The following AKR1A1 variants were observed in gnomAD, a reference collection of about 807,000 sequenced individuals.
AKR1A1 encodes the protein HEL-S-165mP.
AKR1A1 carries 26 observed loss-of-function variants against 39.2 expected under a neutral mutation model. The observed-to-expected ratio is 0.66, with a 90% CI of 0.49 to 0.92. The LOEUF is 0.92. Among genes scored for constraint, AKR1A1 ranks in the 40% least tolerant of loss-of-function variants. AKR1A1 has a pLI of 0.00. For missense variants in AKR1A1, 378 were observed against 406.5 expected, an observed-to-expected ratio of 0.93 and a Z score of 0.60; for synonymous variants, 141 against 155.5, an observed-to-expected ratio of 0.91 and a Z score of 0.69.
rs1038254368 is a variant in AKR1A1, at chr1:45,551,030, C to A, written c.-132C>A. The A allele has an allele frequency of 1.3e-5, 2 of 152,648 alleles. No individual in the cohort carries two copies. Among genetic ancestry groups the A allele is most frequent in the African/African-American group, 4.8e-5 (2 of 41,472 alleles). The allele number at this position is 152,648 out of a possible 1,614,324, so 9.5% of individuals were successfully genotyped here. A position where few individuals can be genotyped will look rare whatever the true frequency, so the allele number is the denominator to read the frequency against. ...CGTGATCCTTTATGCCCGGCCCCTG[C>A]CCCTCCCTCCGGGTGGAACTTCCCC... On this transcript the variant is annotated 5_prime_UTR_variant, in exon 1 of 9. It introduces an in-frame stop codon into an upstream open reading frame of the 5' UTR. Coordinates refer to ENST00000351829, the MANE Select transcript of AKR1A1 (RefSeq NM_153326.3).
chr1:45,557,379 C>T (rs1644218814), intron 1 of AKR1A1, among the ~76,000 whole-genome samples: 1 of 151,896 alleles, frequency 6.6e-6, no homozygotes, highest in Admixed American at 6.6e-5. Context: ...TAGAGAAAAA[C>T]ATCTATGTGG....
chr1:45,554,406 C>T (rs1644173619), intron 1 of AKR1A1, among the ~76,000 whole-genome samples: 1 of 151,870 alleles, frequency 6.6e-6, no homozygotes, highest in Non-Finnish European at 1.5e-5. Flanking sequence ...CCAGCCTGGA[C>T]GTTAGAGCGA....
chr1:45,555,427 C>T (rs544222031), intron 1 of AKR1A1, among the ~76,000 whole-genome samples: 6 of 151,814 alleles, frequency 4.0e-5, no homozygotes, highest in Admixed American at 1.3e-4. Context: ...GCGGAGGTTG[C>T]GGTGAGCCGA....
intron 1 of AKR1A1, among the ~76,000 whole-genome samples, chr1:45,553,004 A>C (rs750018237): frequency 2.0e-5 from 3 of 152,046 alleles, no homozygotes; most frequent in East Asian, 1.9e-4. Flanking sequence ...ACACACCTAT[A>C]ATCCCAGCTA....
chr1:45,562,300 T>C lies in AKR1A1; in HGVS notation c.84+422T>C, dbSNP rs955647028. Among the ~76,000 whole-genome samples the C allele has an allele frequency of 2.6e-5, 4 of 151,958 alleles. No individual in the cohort carries two copies. In the East Asian group the frequency reaches 7.7e-4, roughly 29 times the overall value. On this transcript the variant is annotated intron_variant, in intron 2 of 8. Coordinates refer to ENST00000351829, the MANE Select transcript of AKR1A1 (RefSeq NM_153326.3). ...AAGGTTTGAAGAATAACTAGGTGAA[T>C]TGTATATTGTATAGACCAAAGGTCA...
chr1:45,563,724 G>A (rs1216808189), intron 2 of AKR1A1, among the ~76,000 whole-genome samples: 1 of 152,228 alleles, frequency 6.6e-6, no homozygotes, highest in Non-Finnish European at 1.5e-5. Context: ...GGGAGGCGGA[G>A]GTTGCAGTGA....
chr1:45,564,977 C>T (rs1644321835), intron 2 of AKR1A1, among the ~76,000 whole-genome samples: 1 of 151,668 alleles, frequency 6.6e-6, no homozygotes, highest in Non-Finnish European at 1.5e-5. Context: ...CACCCCCTAC[C>T]ACGCCCAGCT....
At chr1:45,551,210 C>G (rs1173762827) in intron 1 of AKR1A1, 55 bp downstream of exon 1, 3 of 152,344 alleles carry the variant, frequency 2.0e-5, no homozygotes, top group Non-Finnish European at 4.4e-5. Context: ...GGCCTCGATT[C>G]TTTACTACTG....
chr1:45,568,492 G>A lies in AKR1A1; in HGVS notation c.560G>A (p.Cys187Tyr), dbSNP rs754137710. 2 of 1,613,622 alleles carry A rather than the reference G, an allele frequency of 1.2e-6. No homozygotes were observed. The highest frequency in any genetic ancestry group is 2.2e-5 in the East Asian group (1 of 44,890). Reference sequence around the variant, plus strand: ...GGTTATTCTTTGGCTCAGGTGGAATGCCACCCATACTTGGCTCAAAATGAG... The same window carrying A: ...GGTTATTCTTTGGCTCAGGTGGAATACCACCCATACTTGGCTCAAAATGAG... ...SVRPAVLQVE[C>Y]HPYLAQNELI... Residue 187 changes from cysteine (C) to tyrosine (Y), a missense_variant, in exon 6 of 9, where the codon TGC (cysteine) becomes TAC (tyrosine). Physicochemically the swap from Cys to Tyr is radical, Grantham distance 194. Transcript: ENST00000351829.
chr1:45,566,445 C>G lies in AKR1A1; in HGVS notation c.85-124C>G, dbSNP rs931990612. On this transcript the variant is annotated intron_variant, in intron 2 of 8. Coordinates refer to ENST00000351829, the MANE Select transcript of AKR1A1 (RefSeq NM_153326.3). ...GCCCAGTTCATCTTCCATCTTTTCACCTCCACTGCATAGATGTGCCTGTTA... is the reference window on the plus strand; with the variant it reads ...GCCCAGTTCATCTTCCATCTTTTCAGCTCCACTGCATAGATGTGCCTGTTA... 6 of 1,413,074 alleles carry G rather than the reference C, an allele frequency of 4.2e-6. No individual in the cohort carries two copies. In the Admixed American group the frequency reaches 8.3e-5, roughly 20 times the overall value. 87.5% of individuals were successfully genotyped at this position (1,413,074 alleles called of 1,614,324 possible). A position where few individuals can be genotyped will look rare whatever the true frequency, so the allele number is the denominator to read the frequency against.
chr1:45,561,920 G>A (rs1309330321), intron 2 of AKR1A1, 42 bp downstream of exon 2: 2 of 1,599,688 alleles, frequency 1.3e-6, no homozygotes, highest in East Asian at 2.2e-5. Flanking sequence ...TTGAGCCTCT[G>A]CCTGCATTTT....
chr1:45,561,850 T>G lies in AKR1A1; in HGVS notation c.56T>G (p.Leu19Arg), dbSNP rs1644281923. ...GGGCAGAAGATGCCTCTGATTGGTC[T>G]GGGTACCTGGAAGAGTGAGCCTGGT... is the stretch of plus-strand genomic sequence containing the variant. Reference protein sequence around the residue: ...HTGQKMPLIGLGTWKSEPGQV... With the variant: ...HTGQKMPLIGRGTWKSEPGQV... Residue 19 changes from leucine (L) to arginine (R), a missense_variant, in exon 2 of 9, where the codon CTG (leucine) becomes CGG (arginine). Leu to Arg is a moderately radical substitution (Grantham distance 102, BLOSUM62 -2). Transcript: ENST00000351829. 1 of 1,614,020 alleles carries G rather than the reference T, an allele frequency of 6.2e-7. No homozygotes were observed. Among genetic ancestry groups the G allele is most frequent in the African/African-American group, 1.3e-5 (1 of 74,906 alleles).
At chr1:45,557,927 T>TTTTTTTTTTTTTTG (rs1644227267) in intron 1 of AKR1A1, among the ~76,000 whole-genome samples, 1 of 148,248 alleles carries the variant, frequency 6.7e-6, no homozygotes. Context: ...TTTTTTTTTT[T>TTTTTTTTTTTTTTG]GAGATGGAGC....
At position 45,568,108 on chromosome 1, in the gene AKR1A1, G is replaced by A. The variant is rs760103649; in HGVS notation, c.483G>A (p.Leu161=). Reference sequence around the variant, plus strand: ...AGGGGCTGGTGCAGGCGCTGGGCCTGTCCAACTTCAACAGTCGGCAGATTG... The same window carrying A: ...AGGGGCTGGTGCAGGCGCTGGGCCTATCCAACTTCAACAGTCGGCAGATTG... ...VAKGLVQALG[L]SNFNSRQIDD... is the part of the protein sequence containing the mutation. The change falls in exon 5 of 9, where the codon CTG becomes CTA. Residue 161 remains leucine (L), a synonymous_variant. Coordinates refer to ENST00000351829, the MANE Select transcript of AKR1A1 (RefSeq NM_153326.3). The A allele has an allele frequency of 1.2e-6, 2 of 1,614,094 alleles. No homozygotes were observed. The highest frequency in any genetic ancestry group is 2.2e-5 in the East Asian group (1 of 44,874).
At chr1:45,568,735 G>C in intron 6 of AKR1A1, 51 bp downstream of exon 6, 1 of 1,603,796 alleles carries the variant, frequency 6.2e-7, no homozygotes, top group Non-Finnish European at 8.5e-7. Context: ...CAAGGGTTAA[G>C]GGATTTCTTA....
In AKR1A1 at chr1:45,555,896, G is replaced by C. The variant is rs652991; in HGVS notation, c.-7+4741G>C. On this transcript the variant is annotated intron_variant, in intron 1 of 8. Coordinates refer to ENST00000351829, the MANE Select transcript of AKR1A1 (RefSeq NM_153326.3). ...GAATCTCAGATGCCTATACATACTA[G>C]TGGAGAGGTCCAGAGGGCGTTGAAT... Among the ~76,000 whole-genome samples the C allele has an allele frequency of 1.2e-3, 186 of 152,304 alleles. 9 individuals are homozygous for C. Among genetic ancestry groups the C allele is most frequent in the African/African-American group, 4.3e-3 (180 of 41,562 alleles).
rs1644180438 is a variant in AKR1A1 at position 45,554,904 on chromosome 1, T to G, written c.-7+3749T>G. The stretch of plus-strand genomic sequence containing the variant: ...TTAAGTTTTGCCATGTCCCCCAGGC[T>G]GGTCTCGAACTCCTGGACTCAAGCA... On this transcript the variant is annotated intron_variant, in intron 1 of 8. Transcript: ENST00000351829. Among the ~76,000 whole-genome samples, 3 of 152,284 alleles carry G rather than the reference T, an allele frequency of 2.0e-5. No homozygotes were observed. The South Asian group carries it at 6.2e-4, about 32-fold the overall frequency.
chr1:45,552,369 CT>C (rs1644142667), intron 1 of AKR1A1: 1 of 151,830 alleles, frequency 6.6e-6, no homozygotes, highest in Non-Finnish European at 1.5e-5. Context: ...AAAATTCCCC[CT>C]AGCAAGCAGA....
chr1:45,565,190 G>C (rs1329349558), intron 2 of AKR1A1, among the ~76,000 whole-genome samples: 4 of 141,854 alleles, frequency 2.8e-5, no homozygotes, highest in African/African-American at 1.1e-4. Context: ...GAGTGCAATG[G>C]CATGATCTTG....
Sources: gnomAD v4.1 joint callset for allele counts (sites outside exome capture counted in the v4.1 genomes callset) on GRCh38, gnomAD v4.1.1 for gene constraint, MANE v1.5 for transcripts, NCBI Gene and HGNC (gene_info 2026-07-23, HGNC 2026-07-21) for gene names.